STUB1: variants seen among roughly 807,000 people sequenced by gnomAD.
STUB1 encodes the protein STIP1 homology and U-box containing protein 1.
Under a neutral mutation model 40.3 loss-of-function variants are expected in STUB1, and 37 were observed. The observed-to-expected ratio is 0.92, with a 90% CI of 0.71 to 1.21. The LOEUF (loss-of-function observed/expected upper bound fraction) is 1.21, where lower values mean the gene tolerates loss of function less well. Among genes scored for constraint, STUB1 ranks in the 50% most tolerant of loss-of-function variants. The probability of loss-of-function intolerance (pLI) is 0.00; values close to 1 mark genes in which losing one functional copy is unlikely to be tolerated. For synonymous variants in STUB1, 246 were observed against 171.9 expected (o/e 1.43, Z -3.37); for missense variants, 460 against 421.9 (o/e 1.09, Z -0.79).
rs2039668507 is a variant in STUB1 at position 681,827 on chromosome 16, G to T, written c.559G>T (p.Asp187Tyr). Reference protein sequence around the residue: ...LEECQRNHEGDEDDSHVRAQQ... With the variant: ...LEECQRNHEGYEDDSHVRAQQ... ...AGAGTGCCAGCGAAACCACGAGGGTGATGAGGACGACAGCCACGTCCGGGC... is the reference window on the plus strand; with the variant it reads ...AGAGTGCCAGCGAAACCACGAGGGTTATGAGGACGACAGCCACGTCCGGGC... Residue 187 changes from aspartate to tyrosine, a missense_variant, in exon 4 of 7, where the codon GAT (aspartate) becomes TAT (tyrosine). Transcript: ENST00000219548. 1 of 1,609,436 alleles carries T rather than the reference G, an allele frequency of 6.2e-7. No individual in the cohort carries two copies. The highest frequency in any genetic ancestry group is 1.3e-5 in the African/African-American group (1 of 75,008).
At position 682,147 on chromosome 16, in the gene STUB1, T is replaced by C. The variant is rs1253069548; in HGVS notation, c.670-18T>C. 4 of 1,597,558 alleles carry C rather than the reference T, an allele frequency of 2.5e-6. No individual in the cohort carries two copies. Among genetic ancestry groups the C allele is most frequent in the South Asian group, 1.1e-5 (1 of 90,602 alleles). On this transcript the variant is annotated intron_variant, in intron 5 of 6. Coordinates refer to ENST00000219548, the MANE Select transcript of STUB1 (RefSeq NM_005861.4). ...AGTGCCCCTTTTCAGCCTCTGACCGTGTGCCCCTGTGCCACAGAAGCGAGA... is the reference window on the plus strand; with the variant it reads ...AGTGCCCCTTTTCAGCCTCTGACCGCGTGCCCCTGTGCCACAGAAGCGAGA...
chr16:680,602 C>T lies in STUB1; in HGVS notation c.77C>T (p.Ala26Val). The T allele has an allele frequency of 3.6e-6, 5 of 1,408,324 alleles. No individual in the cohort carries two copies. The highest frequency in any genetic ancestry group is 3.7e-6 in the Non-Finnish European group (4 of 1,071,158). 87.2% of individuals were successfully genotyped at this position (1,408,324 alleles called of 1,614,324 possible). A position where few individuals can be genotyped will look rare whatever the true frequency, so the allele number is the denominator to read the frequency against. ...GGGSPEKSPS[A>V]QELKEQGNRL... ...GGAAGCCCCGAGAAGAGCCCGAGCG[C>T]GCAGGAGCTCAAGGAGCAGGGCAAT... Residue 26 changes from alanine (A) to valine (V), a missense_variant, in exon 1 of 7, where the codon GCG (alanine) becomes GTG (valine). By Grantham distance (64) the Ala-to-Val change is moderately conservative. Transcript: ENST00000219548. This position sits in a 1 kb window ranked among gnomAD's most constrained non-coding sequence, Gnocchi z 4.9.
In STUB1 at chr16:682,282, G is replaced by C. The variant is rs2039697025; in HGVS notation, c.786+1G>C. Reference sequence around the variant, plus strand: ...CAAGGACATCGAGGAGCACCTGCAGGTGAGGCCTGCGGCTGGGGGAGCAGG... The same window carrying C: ...CAAGGACATCGAGGAGCACCTGCAGCTGAGGCCTGCGGCTGGGGGAGCAGG... On this transcript the variant is annotated splice_donor_variant, in intron 6 of 6. Coordinates refer to ENST00000219548, the MANE Select transcript of STUB1 (RefSeq NM_005861.4). LOFTEE classifies it high-confidence loss of function. 1 of 1,569,154 alleles carries C rather than the reference G, an allele frequency of 6.4e-7. No individual in the cohort carries two copies. The highest frequency in any genetic ancestry group is 1.1e-5 in the South Asian group (1 of 88,540).
In STUB1 at chr16:682,266, C is replaced by T. The variant is rs547031103; in HGVS notation, c.771C>T (p.Ile257=). 104 of 1,602,634 alleles carry T rather than the reference C, an allele frequency of 6.5e-5. 1 individual carries two copies. In the East Asian group the frequency reaches 1.1e-3, roughly 17 times the overall value. The change falls in exon 6 of 7, where the codon ATC becomes ATT. Residue 257 remains isoleucine (I), a synonymous_variant. Transcript: ENST00000219548. The part of the protein sequence containing the change: ...PSGITYDRKD[I]EEHLQRVGHF... ...GCATCACCTACGACCGCAAGGACATCGAGGAGCACCTGCAGGTGAGGCCTG... is the reference window on the plus strand; with the variant it reads ...GCATCACCTACGACCGCAAGGACATTGAGGAGCACCTGCAGGTGAGGCCTG...
intron 1 of STUB1, 84 bp from the exon 2 acceptor site, chr16:681,068 G>A (rs1042614664): frequency 5.1e-6 from 7 of 1,374,088 alleles, no homozygotes; most frequent in African/African-American, 4.3e-5. Context: ...TCTAGCCAGA[G>A]CGCAGAAGCT....
rs751345104 is a variant in STUB1, at chr16:682,631, G to C, written c.*142G>C. 71 of 1,438,858 alleles carry C rather than the reference G, an allele frequency of 4.9e-5. No individual in the cohort carries two copies. Among genetic ancestry groups the C allele is most frequent in the Middle Eastern group, 1.8e-4 (1 of 5,420 alleles). The allele number at this position is 1,438,858 out of a possible 1,614,324, so 89.1% of individuals were successfully genotyped here. ...GGACTCTGGACTGTTTCCCCTCTCA[G>C]CATCGCTTTTGCTGGGCCGTGATCG... On this transcript the variant is annotated 3_prime_UTR_variant, in exon 7 of 7. Transcript: ENST00000219548.
chr16:682,751 G>C lies in STUB1; in HGVS notation c.*262G>C. Reference sequence around the variant, plus strand: ...TAATAAAATCCGTGAGCACGAGGTGGGACGTGCTGGTGTGTGACCGGCAGT... The same window carrying C: ...TAATAAAATCCGTGAGCACGAGGTGCGACGTGCTGGTGTGTGACCGGCAGT... On this transcript the variant is annotated 3_prime_UTR_variant, in exon 7 of 7. Coordinates refer to ENST00000219548, the MANE Select transcript of STUB1 (RefSeq NM_005861.4). The C allele has an allele frequency of 6.3e-7, 1 of 1,593,284 alleles. No individual in the cohort carries two copies. The highest frequency in any genetic ancestry group is 8.6e-7 in the Non-Finnish European group (1 of 1,163,354).
In STUB1 at chr16:682,229, T is replaced by C; in HGVS notation, c.734T>C (p.Ile245Thr). Residue 245 changes from isoleucine to threonine, a missense_variant, in exon 6 of 7, where the codon ATC (isoleucine) becomes ACC (threonine). Transcript: ENST00000219548. ...TTTGAGCTGATGCGGGAGCCGTGCA[T>C]CACGCCCAGTGGCATCACCTACGAC... Reference protein sequence around the residue: ...ISFELMREPCITPSGITYDRK... With the variant: ...ISFELMREPCTTPSGITYDRK... The C allele has an allele frequency of 6.2e-7, 1 of 1,613,040 alleles. No homozygotes were observed. Among genetic ancestry groups the C allele is most frequent in the African/African-American group, 1.3e-5 (1 of 75,052 alleles).
In STUB1 at chr16:680,876, G is replaced by GT; in HGVS notation, c.159+193dup. 1 of 613,246 alleles carries GT rather than the reference G, an allele frequency of 1.6e-6. No homozygotes were observed. The highest frequency in any genetic ancestry group is 2.5e-6 in the Non-Finnish European group (1 of 395,138). The allele number at this position is 613,246 out of a possible 1,614,324, so 38.0% of individuals were successfully genotyped here. ...GCGATGCTGGATGGAGGCCGGCCGG[G>GT]TGGGGGGAGGGCAGGGGCCCTCGAC... On this transcript the variant is annotated intron_variant, in intron 1 of 6. Coordinates refer to ENST00000219548, the MANE Select transcript of STUB1 (RefSeq NM_005861.4). This position sits in a 1 kb window ranked among gnomAD's most constrained non-coding sequence, Gnocchi z 4.9.
chr16:680,794 C>T lies in STUB1; in HGVS notation c.159+110C>T. 2 of 1,025,778 alleles carry T rather than the reference C, an allele frequency of 1.9e-6. No individual in the cohort carries two copies. The highest frequency in any genetic ancestry group is 4.5e-5 in the Admixed American group (1 of 22,232). 63.5% of individuals were successfully genotyped at this position (1,025,778 alleles called of 1,614,324 possible). A position where few individuals can be genotyped will look rare whatever the true frequency, so the allele number is the denominator to read the frequency against. On this transcript the variant is annotated intron_variant, in intron 1 of 6. Coordinates refer to ENST00000219548, the MANE Select transcript of STUB1 (RefSeq NM_005861.4). This position sits in a 1 kb window ranked among gnomAD's most constrained non-coding sequence, Gnocchi z 4.9. Reference sequence around the variant, plus strand: ...GCTCCTCTTCGGGGCGTGTCCTCGGCTCCCAAAGCCCAGCCGTGGTTCTCG... The same window carrying T: ...GCTCCTCTTCGGGGCGTGTCCTCGGTTCCCAAAGCCCAGCCGTGGTTCTCG...
Position 682,296 on chromosome 16 carries a change from T to G in STUB1, c.786+15T>G, listed in dbSNP as rs754286588. The G allele has an allele frequency of 6.2e-7, 1 of 1,612,428 alleles. No individual in the cohort carries two copies. The highest frequency in any genetic ancestry group is 2.2e-5 in the East Asian group (1 of 44,878). On this transcript the variant is annotated intron_variant, in intron 6 of 6. Coordinates refer to ENST00000219548, the MANE Select transcript of STUB1 (RefSeq NM_005861.4). The stretch of plus-strand genomic sequence containing the variant: ...AGCACCTGCAGGTGAGGCCTGCGGC[T>G]GGGGGAGCAGGGCCAGTGGCATGGT...
In STUB1 at chr16:681,871, G is replaced by A. The variant is rs775746999; in HGVS notation, c.603G>A (p.Glu201=). The A allele has an allele frequency of 4.3e-6, 7 of 1,612,936 alleles. No individual in the cohort carries two copies. Among genetic ancestry groups the A allele is most frequent in the South Asian group, 3.3e-5 (3 of 91,090 alleles). Residue 201 remains glutamate (E), a synonymous_variant, in exon 4 of 7, where the codon GAG becomes GAA. Coordinates refer to ENST00000219548, the MANE Select transcript of STUB1 (RefSeq NM_005861.4). The part of the protein sequence containing the change: ...SHVRAQQACI[E]AKHDKYMADM... ...TCCGGGCCCAGCAGGCCTGCATTGA[G>A]GCCAAGCACGTGAGGGTGCCCCCCA...
In STUB1 at chr16:681,167, G is replaced by T; in HGVS notation, c.175G>T (p.Val59Leu). 1 of 1,567,452 alleles carries T rather than the reference G, an allele frequency of 6.4e-7. No individual in the cohort carries two copies. Among genetic ancestry groups the T allele is most frequent in the Non-Finnish European group, 8.6e-7 (1 of 1,156,858 alleles). ...TGGTCCCTAGACCCGGAACCCGCTG[G>T]TGGCCGTGTATTACACCAACCGGGC... is the stretch of plus-strand genomic sequence containing the variant. ...YGRAITRNPL[V>L]AVYYTNRALC... The change falls in exon 2 of 7, where the codon GTG becomes TTG. Residue 59 changes from valine (V) to leucine (L), a missense_variant. Physicochemically the swap from Val to Leu is conservative, Grantham distance 32. Transcript: ENST00000219548.
Position 680,443 on chromosome 16 carries a change from C to A in STUB1, c.-83C>A, listed in dbSNP as rs1201890247. On this transcript the variant is annotated 5_prime_UTR_variant, in exon 1 of 7. Transcript: ENST00000219548. This position sits in a 1 kb window ranked among gnomAD's most constrained non-coding sequence, Gnocchi z 4.9. ...GCCGGGCCCGAGCGGATCGCGGGCTCGGGCTGCGGGGCTCCGGCTGCGGGC... is the reference window on the plus strand; with the variant it reads ...GCCGGGCCCGAGCGGATCGCGGGCTAGGGCTGCGGGGCTCCGGCTGCGGGC... 3 of 1,133,788 alleles carry A rather than the reference C, an allele frequency of 2.6e-6. No individual in the cohort carries two copies. The highest frequency in any genetic ancestry group is 4.2e-5 in the East Asian group (1 of 23,820). The allele number at this position is 1,133,788 out of a possible 1,614,324, so 70.2% of individuals were successfully genotyped here.
Position 680,561 on chromosome 16 carries a change from G to C in STUB1, c.36G>C (p.Arg12=), listed in dbSNP as rs1267568555. The C allele has an allele frequency of 1.5e-6, 2 of 1,370,222 alleles. No individual in the cohort carries two copies. The highest frequency in any genetic ancestry group is 3.4e-5 in the South Asian group (2 of 59,100). The allele number at this position is 1,370,222 out of a possible 1,614,324, so 84.9% of individuals were successfully genotyped here. A position where few individuals can be genotyped will look rare whatever the true frequency, so the allele number is the denominator to read the frequency against. ...AGGAGGAGAAGGAGGGCGGCGCACGGCTGGGCGCTGGCGGCGGAAGCCCCG... is the reference window on the plus strand; with the variant it reads ...AGGAGGAGAAGGAGGGCGGCGCACGCCTGGGCGCTGGCGGCGGAAGCCCCG... ...KGKEEKEGGA[R]LGAGGGSPEK... The change falls in exon 1 of 7, where the codon CGG becomes CGC. Residue 12 remains arginine (R), a synonymous_variant. Coordinates refer to ENST00000219548, the MANE Select transcript of STUB1 (RefSeq NM_005861.4). This position sits in a 1 kb window ranked among gnomAD's most constrained non-coding sequence, Gnocchi z 4.9.
At chr16:681,965 C>A in intron 4 of STUB1, 55 bp from the exon 5 acceptor site, 7 of 1,612,530 alleles carry the variant, frequency 4.3e-6, no homozygotes, top group Non-Finnish European at 5.9e-6. Context: ...GTCTGTGCCC[C>A]ATGGAGGAGG....
chr16:681,904 G>T (rs1446890756), intron 4 of STUB1, 24 bp downstream of exon 4: 2 of 1,613,044 alleles, frequency 1.2e-6, no homozygotes, highest in East Asian at 2.2e-5. Flanking sequence ...CCACCCACAT[G>T]TGGGTCTGTG....
Position 680,672 on chromosome 16 carries a change from C to T in STUB1, c.147C>T (p.Tyr49=). The T allele has an allele frequency of 3.1e-6, 4 of 1,271,172 alleles. No individual in the cohort carries two copies. The highest frequency in any genetic ancestry group is 3.3e-5 in the East Asian group (1 of 30,354). 78.7% of individuals were successfully genotyped at this position (1,271,172 alleles called of 1,614,324 possible). ...GRKYPEAAAC[Y]GRAITRNPLV... ...AGTACCCGGAGGCGGCGGCCTGCTA[C>T]GGCCGCGCGATCGTGAGTGCGCCCG... is the stretch of plus-strand genomic sequence containing the variant. The change falls in exon 1 of 7, where the codon TAC becomes TAT. Residue 49 remains tyrosine (Y), a synonymous_variant. Transcript: ENST00000219548. This position sits in a 1 kb window ranked among gnomAD's most constrained non-coding sequence, Gnocchi z 4.9.
Position 682,588 on chromosome 16 carries a change from C to G in STUB1, c.*99C>G. 6.5e-7 allele frequency: 1 copy of G among 1,535,068 alleles called. No homozygotes were observed. The highest frequency in any genetic ancestry group is 1.2e-5 in the South Asian group (1 of 83,910). On this transcript the variant is annotated 3_prime_UTR_variant, in exon 7 of 7. Transcript: ENST00000219548. ...ATGTTCCTGGCCACCCCGACCGCTT[C>G]CCCCAAGTTCTGCTGTTGGACTCTG... is the stretch of plus-strand genomic sequence containing the variant.
Sources: gnomAD v4.1 joint callset for allele counts on GRCh38, gnomAD v4.1.1 for gene constraint, Gnocchi (gnomAD v3.1) non-coding constraint, MANE v1.5 for transcripts, NCBI Gene and HGNC (gene_info 2026-07-23, HGNC 2026-07-21) for gene names.